MYL12B: variants seen among roughly 807,000 people sequenced by gnomAD.
The protein encoded by MYL12B is myosin regulatory light chain 12B.
Under a neutral mutation model 12.9 loss-of-function variants are expected in MYL12B, and 3 were observed. That is an observed-to-expected ratio of 0.23 (90% confidence interval 0.11 to 0.60). The LOEUF (loss-of-function observed/expected upper bound fraction) is 0.60. MYL12B is among the 20% of genes least tolerant of loss of function. The probability of loss-of-function intolerance (pLI) is 0.89; values close to 1 mark genes in which losing one functional copy is unlikely to be tolerated. For synonymous variants in MYL12B, 57 were observed against 71.9 expected (o/e 0.79, Z 1.05); for missense variants, 120 against 215.4 (o/e 0.56, Z 2.77).
chr18:3,266,273 C>T (rs2081633488), intron 1 of MYL12B, among the ~76,000 whole-genome samples: 1 of 152,180 alleles, frequency 6.6e-6, no homozygotes, highest in Non-Finnish European at 1.5e-5. Context: ...CGGCAAGAAT[C>T]CTCAGTTCCC....
At chr18:3,277,686 G>A (rs1307940836) in intron 3 of MYL12B, 79 bp from the exon 4 acceptor site, 37 of 1,475,472 alleles carry the variant, frequency 2.5e-5, no homozygotes, top group Middle Eastern at 1.8e-4. Context: ...TATTTTATAC[G>A]ATTGACAAGC....
At position 3,277,220 on chromosome 18, in the gene MYL12B, T is replaced by C. The variant is rs2081740011; in HGVS notation, c.185-33T>C. 2.0e-6 allele frequency: 3 copies of C among 1,502,346 alleles called. No homozygotes were observed. In the East Asian group the frequency reaches 7.0e-5, roughly 35 times the overall value. 93.1% of individuals were successfully genotyped at this position (1,502,346 alleles called of 1,614,324 possible). ...AATAACTATTGAAATTAAATGTTTT[T>C]GTCTTTAAATGTTAAAATGTGTATT... is the stretch of plus-strand genomic sequence containing the variant. On this transcript the variant is annotated intron_variant, in intron 2 of 3. Coordinates refer to ENST00000237500, the MANE Select transcript of MYL12B (RefSeq NM_033546.4).
intron 2 of MYL12B, among the ~76,000 whole-genome samples, chr18:3,273,850 G>GTTTTTT (rs112632898): frequency 6.7e-5 from 6 of 89,322 alleles, no homozygotes; most frequent in African/African-American, 1.4e-4. Context: ...AAGAGGTGGG[G>GTTTTTT]GTTTTTTTTT....
chr18:3,265,947 A>G (rs533538833), intron 1 of MYL12B, among the ~76,000 whole-genome samples: 3 of 152,200 alleles, frequency 2.0e-5, no homozygotes, highest in African/African-American at 7.2e-5. Flanking sequence ...TCCCCGTGCT[A>G]TGCAAATTTG....
At position 3,275,413 on chromosome 18, in the gene MYL12B, G is replaced by T. The variant is rs991437281; in HGVS notation, c.185-1840G>T. ...TGGATAGAATAACAAGGTGACTGCA[G>T]TCAGCAGTAATTTGTTGTACATTTT... On this transcript the variant is annotated intron_variant, in intron 2 of 3. Transcript: ENST00000237500. Among the ~76,000 whole-genome samples the T allele has an allele frequency of 7.2e-5, 11 of 152,278 alleles. 2 individuals are homozygous for T. Among genetic ancestry groups the T allele is most frequent in the African/African-American group, 2.6e-4 (11 of 41,534 alleles).
At chr18:3,275,570 A>C (rs997895148) in intron 2 of MYL12B, among the ~76,000 whole-genome samples, 2 of 152,212 alleles carry the variant, frequency 1.3e-5, no homozygotes, top group African/African-American at 4.8e-5. Flanking sequence ...CATGTACCCC[A>C]TAAATATATA....
intron 2 of MYL12B, among the ~76,000 whole-genome samples, chr18:3,274,418 A>T (rs1167748687): frequency 2.0e-5 from 3 of 150,336 alleles, no homozygotes; most frequent in Non-Finnish European, 4.4e-5. Context: ...AGCCTAATTA[A>T]ATTTAATGGA....
In MYL12B at chr18:3,278,340, A is replaced by G. The variant is rs1398994198; in HGVS notation, c.*403A>G. 2 of 163,672 alleles carry G rather than the reference A, an allele frequency of 1.2e-5. No homozygotes were observed. Among genetic ancestry groups the G allele is most frequent in the Non-Finnish European group, 2.6e-5 (2 of 76,040 alleles). 10.1% of individuals were successfully genotyped at this position (163,672 alleles called of 1,614,324 possible). A position where few individuals can be genotyped will look rare whatever the true frequency, so the allele number is the denominator to read the frequency against. On this transcript the variant is annotated 3_prime_UTR_variant, in exon 4 of 4. Transcript: ENST00000237500. ...GGGTAGTCCTTTTTTCAGGTTTTCA[A>G]CTTCATATGATTCAGGTTTTATGGT...
Position 3,276,854 on chromosome 18 carries a change from T to C in MYL12B, c.185-399T>C, listed in dbSNP as rs146631226. On this transcript the variant is annotated intron_variant, in intron 2 of 3. Coordinates refer to ENST00000237500, the MANE Select transcript of MYL12B (RefSeq NM_033546.4). Reference sequence around the variant, plus strand: ...GAGTTCAAGACCAGCCTGGGCAACATAGTGAAACCCAGTCTTTACAAAAAA... The same window carrying C: ...GAGTTCAAGACCAGCCTGGGCAACACAGTGAAACCCAGTCTTTACAAAAAA... 1.2e-4 allele frequency: 99 copies of C among 822,808 alleles called. 1 individual carries two copies. In the African/African-American group the frequency reaches 1.2e-3, roughly 10 times the overall value. The allele number at this position is 822,808 out of a possible 1,614,324, so 51.0% of individuals were successfully genotyped here.
chr18:3,271,432 AATAC>A (rs2144359789), intron 1 of MYL12B, among the ~76,000 whole-genome samples: 1 of 152,302 alleles, frequency 6.6e-6, no homozygotes, highest in African/African-American at 2.4e-5. Context: ...AGAAGTAGAC[AATAC>A]ATTTATATAA....
Position 3,270,634 on chromosome 18 carries a change from G to T in MYL12B, c.-15-2250G>T, listed in dbSNP as rs1373487544. ...AATATAGTATATTTTTGGGTTAACT[G>T]TAGAAGTAGCATGATACAATTGACT... On this transcript the variant is annotated intron_variant, in intron 1 of 3. Coordinates refer to ENST00000237500, the MANE Select transcript of MYL12B (RefSeq NM_033546.4). Among the ~76,000 whole-genome samples the T allele has an allele frequency of 2.7e-5, 4 of 149,498 alleles. No homozygotes were observed. The South Asian group carries it at 8.6e-4, about 32-fold the overall frequency.
Position 3,273,012 on chromosome 18 carries a change from C to T in MYL12B, c.114C>T (p.Phe38=). The T allele has an allele frequency of 6.2e-7, 1 of 1,613,298 alleles. No individual in the cohort carries two copies. The highest frequency in any genetic ancestry group is 8.5e-7 in the Non-Finnish European group (1 of 1,179,678). ...AGATTCAGGAGTTCAAAGAGGCCTT[C>T]AACATGATTGATCAGAACAGAGATG... The part of the protein sequence containing the change: ...QSQIQEFKEA[F]NMIDQNRDGF... The change falls in exon 2 of 4, where the codon TTC becomes TTT. Residue 38 remains phenylalanine (F), a synonymous_variant. Coordinates refer to ENST00000237500, the MANE Select transcript of MYL12B (RefSeq NM_033546.4).
chr18:3,277,424 A>G lies in MYL12B; in HGVS notation c.346+10A>G. ...GATGAAGAAGCAACAGGTGAGTGCT[A>G]TTTGTTTATGCCCAGCCTCATTCCA... On this transcript the variant is annotated intron_variant, in intron 3 of 3. Transcript: ENST00000237500. 3.7e-6 allele frequency: 6 copies of G among 1,613,556 alleles called. No individual in the cohort carries two copies. Among genetic ancestry groups the G allele is most frequent in the Non-Finnish European group, 5.1e-6 (6 of 1,179,816 alleles).
rs2081749899 is a variant in MYL12B at position 3,278,182 on chromosome 18, A to G, written c.*245A>G. On this transcript the variant is annotated 3_prime_UTR_variant, in exon 4 of 4. Coordinates refer to ENST00000237500, the MANE Select transcript of MYL12B (RefSeq NM_033546.4). ...TAAAAATCAACAAATGTGAAAGCCC[A>G]GAAAAATATATTCGTATTTCTGGTT... The G allele has an allele frequency of 2.8e-6, 1 of 355,102 alleles. No individual in the cohort carries two copies. The highest frequency in any genetic ancestry group is 4.8e-5 in the East Asian group (1 of 20,800). The allele number at this position is 355,102 out of a possible 1,614,324, so 22.0% of individuals were successfully genotyped here.
chr18:3,275,434 A>C (rs576042521), intron 2 of MYL12B, among the ~76,000 whole-genome samples: 1 of 152,282 alleles, frequency 6.6e-6, no homozygotes, highest in East Asian at 1.9e-4. Context: ...TTTGTTGTAC[A>C]TTTTAAAATA....
intron 1 of MYL12B, among the ~76,000 whole-genome samples, chr18:3,268,884 A>G (rs751490810): frequency 6.6e-6 from 1 of 152,188 alleles, no homozygotes; most frequent in Non-Finnish European, 1.5e-5. Flanking sequence ...GGCATGTTTC[A>G]TTTAATGTAC....
rs2081741068 is a variant in MYL12B at position 3,277,323 on chromosome 18, G to A, written c.255G>A (p.Met85Ile). Residue 85 changes from methionine to isoleucine, a missense_variant, in exon 3 of 4, where the codon ATG becomes ATA. Met to Ile is a conservative substitution (Grantham distance 10). Coordinates refer to ENST00000237500, the MANE Select transcript of MYL12B (RefSeq NM_033546.4). ...NEAPGPINFT[M>I]FLTMFGEKLN... Reference sequence around the variant, plus strand: ...CCCCAGGGCCCATCAATTTCACCATGTTCCTGACCATGTTTGGTGAGAAGT... The same window carrying A: ...CCCCAGGGCCCATCAATTTCACCATATTCCTGACCATGTTTGGTGAGAAGT... 1 of 1,614,002 alleles carries A rather than the reference G, an allele frequency of 6.2e-7. No individual in the cohort carries two copies. Among genetic ancestry groups the A allele is most frequent in the Non-Finnish European group, 8.5e-7 (1 of 1,179,882 alleles).
chr18:3,266,014 C>A (rs1482899839), intron 1 of MYL12B, among the ~76,000 whole-genome samples: 1 of 152,148 alleles, frequency 6.6e-6, no homozygotes, highest in Non-Finnish European at 1.5e-5. Flanking sequence ...AGGCATTGCC[C>A]TATTTTAACA....
intron 2 of MYL12B, among the ~76,000 whole-genome samples, chr18:3,273,318 A>T (rs2081698659): frequency 6.6e-6 from 1 of 152,078 alleles, no homozygotes; most frequent in Non-Finnish European, 1.5e-5. Context: ...TGTTAGCTAA[A>T]TTTTTTAGGT....
Sources: gnomAD v4.1 joint callset for allele counts (sites outside exome capture counted in the v4.1 genomes callset) on GRCh38, gnomAD v4.1.1 for gene constraint, MANE v1.5 for transcripts, NCBI Gene and HGNC (gene_info 2026-07-23, HGNC 2026-07-21) for gene names.